The following GALNT9 variants were observed in gnomAD, a reference collection of about 807,000 sequenced individuals.
GALNT9 encodes polypeptide N-acetylgalactosaminyltransferase 9, also known as GalNAc transferase 9.
In GALNT9, 47 loss-of-function variants were observed where a neutral mutation model predicts 63.1. That is an observed-to-expected ratio of 0.75 (90% CI 0.59 to 0.95). The LOEUF is 0.95. GALNT9 is among the 40% of genes least tolerant of loss of function. The pLI, the probability that GALNT9 is intolerant of heterozygous loss-of-function variation, is 0.00. For missense variants in GALNT9, 829 were observed against 874.8 expected (o/e 0.95, Z 0.66); for synonymous variants, 396 against 365.7 (o/e 1.08, Z -0.94).
rs1593105511 is a variant in GALNT9, at chr12:132,286,490, G to C, written c.239-60C>G. 6.1e-6 allele frequency: 9 copies of C among 1,479,686 alleles called. No individual in the cohort carries two copies. Among genetic ancestry groups the C allele is most frequent in the Non-Finnish European group, 6.3e-6 (7 of 1,115,416 alleles). 91.7% of individuals were successfully genotyped at this position (1,479,686 alleles called of 1,614,324 possible). On this transcript the variant is annotated intron_variant, in intron 1 of 10. Transcript: ENST00000328957. This position sits in a 1 kb window ranked among gnomAD's most constrained non-coding sequence, Gnocchi z 7.4. Reference sequence around the variant, plus strand: ...CCAGGACACGCTGCGTCTGCACCCAGGAGACGCCCCTCCCGCCCCTCTCCC... The same window carrying C: ...CCAGGACACGCTGCGTCTGCACCCACGAGACGCCCCTCCCGCCCCTCTCCC...
Position 132,204,519 on chromosome 12 carries a change from G to A in GALNT9, c.1078-829C>T, listed in dbSNP as rs542102956. 2.6e-4 allele frequency among the ~76,000 whole-genome samples: 40 copies of A among 152,254 alleles called. 1 individual carries two copies. Among genetic ancestry groups the A allele is most frequent in the Admixed American group, 9.2e-4 (14 of 15,290 alleles). ...AGTGTTCACACACTCTGCTCGATTC[G>A]GGCTGGGACGTGGGTCCTCCCCTGC... On this transcript the variant is annotated intron_variant, in intron 6 of 10. Transcript: ENST00000328957.
At chr12:132,288,887 T>C (rs1378533836) in intron 1 of GALNT9, among the ~76,000 whole-genome samples, 11 of 114,492 alleles carry the variant, frequency 9.6e-5, no homozygotes, top group South Asian at 6.4e-4. Flanking sequence ...GAGCGTGGTT[T>C]CGGACGGCTG....
At chr12:132,209,723 G>A (rs1697716956) in intron 6 of GALNT9, among the ~76,000 whole-genome samples, 1 of 152,190 alleles carries the variant, frequency 6.6e-6, no homozygotes, top group South Asian at 2.1e-4. Flanking sequence ...GGGAACGTCA[G>A]GAAGTTACCC....
intron 6 of GALNT9, among the ~76,000 whole-genome samples, chr12:132,226,585 CACAT>C (rs1299350722): frequency 6.8e-5 from 10 of 148,040 alleles, no homozygotes; most frequent in East Asian, 2.0e-4. Context: ...ACACCCCACA[CACAT>C]ACACACCACA....
chr12:132,254,662 G>C (rs1879047130), intron 5 of GALNT9, among the ~76,000 whole-genome samples: 3 of 152,202 alleles, frequency 2.0e-5, no homozygotes, highest in Non-Finnish European at 1.5e-5. Context: ...AGGTCAGGCA[G>C]GTAAAGTACA....
intron 6 of GALNT9, chr12:132,240,702 C>G (rs1452540975): frequency 6.6e-6 from 3 of 455,954 alleles, no homozygotes; most frequent in Middle Eastern, 6.5e-4. Flanking sequence ...TATAATTTAC[C>G]TTATCTTGCT....
In GALNT9 at chr12:132,262,567, C is replaced by A. The variant is rs1486896844; in HGVS notation, c.478G>T (p.Val160Phe). 6.4e-7 allele frequency: 1 copy of A among 1,551,460 alleles called. No homozygotes were observed. The highest frequency in any genetic ancestry group is 8.7e-7 in the Non-Finnish European group (1 of 1,146,906). ...AGGATGACCGACAGCGCCTCATTGA[C>A]GAAGATGAAGACCACGGAGACCTGG... ...LPQVSVVFIF[V>F]NEALSVILRS... Residue 160 changes from valine (V) to phenylalanine (F), a missense_variant, in exon 3 of 11, where the codon GTC (valine) becomes TTC (phenylalanine). By Grantham distance (50) the Val-to-Phe change is conservative. Coordinates refer to ENST00000328957, the MANE Select transcript of GALNT9 (RefSeq NM_001122636.2).
chr12:132,247,657 C>A (rs1395005305), intron 6 of GALNT9: 15 of 416,850 alleles, frequency 3.6e-5, no homozygotes, highest in Non-Finnish European at 5.6e-5. Context: ...GCCGCACTCG[C>A]CCTCACCCCG....
intron 2 of GALNT9, among the ~76,000 whole-genome samples, chr12:132,269,182 C>T (rs994904800): frequency 2.0e-4 from 31 of 152,148 alleles, no homozygotes; most frequent in South Asian, 2.1e-4. Context: ...GCGGCCTCAG[C>T]GCTGAGGCAG....
Position 132,237,414 on chromosome 12 carries a change from C to G in GALNT9, c.1077+10496G>C, listed in dbSNP as rs2136895388. On this transcript the variant is annotated intron_variant, in intron 6 of 10. Transcript: ENST00000328957. ...ACAGGTGCTCACACCTGCCCAAACA[C>G]CTGCCTACACCTTCTGACACCTGCT... is the stretch of plus-strand genomic sequence containing the variant. Among the ~76,000 whole-genome samples, 5 of 152,082 alleles carry G rather than the reference C, an allele frequency of 3.3e-5. No homozygotes were observed. In the East Asian group the frequency reaches 7.7e-4, roughly 23 times the overall value.
At chr12:132,204,206 A>AC (rs1876467289) in intron 6 of GALNT9, among the ~76,000 whole-genome samples, 1 of 152,000 alleles carries the variant, frequency 6.6e-6, no homozygotes, top group African/African-American at 2.4e-5. Flanking sequence ...GGCTTTCTGA[A>AC]CCCCCACGCG....
chr12:132,225,398 TACAC>T (rs1430213430), intron 6 of GALNT9, among the ~76,000 whole-genome samples: 6 of 86,178 alleles, frequency 7.0e-5, no homozygotes, highest in South Asian at 4.4e-4. Flanking sequence ...CCTACACACA[TACAC>T]ACCACACAAC....
At chr12:132,266,502 G>C (rs1192495411) in intron 2 of GALNT9, among the ~76,000 whole-genome samples, 1 of 152,248 alleles carries the variant, frequency 6.6e-6, no homozygotes, top group Non-Finnish European at 1.5e-5. Context: ...CGGAGGCCCA[G>C]GCAGGAGGCC....
At chr12:132,303,198 C>T (rs1235663595) in intron 1 of GALNT9, among the ~76,000 whole-genome samples, 1 of 152,034 alleles carries the variant, frequency 6.6e-6, no homozygotes, top group Non-Finnish European at 1.5e-5. Flanking sequence ...CGCCGGGATG[C>T]AGTGACTGCC....
chr12:132,278,326 C>T (rs1880191386), intron 2 of GALNT9: 3 of 152,264 alleles, frequency 2.0e-5, no homozygotes, highest in African/African-American at 4.8e-5. Flanking sequence ...AATAATCAGG[C>T]ATCAAACATA....
chr12:132,222,779 G>A (rs1305361805), intron 6 of GALNT9, among the ~76,000 whole-genome samples: 1 of 151,674 alleles, frequency 6.6e-6, no homozygotes, highest in African/African-American at 2.4e-5. Context: ...GACTGAGGAG[G>A]AGATACGGAC....
Position 132,261,108 on chromosome 12 carries a change from T to G in GALNT9, c.601A>C (p.Asn201His), listed in dbSNP as rs1395296492. Residue 201 changes from asparagine (N) to histidine (H), a missense_variant, in exon 4 of 11, where the codon AAT becomes CAT. Coordinates refer to ENST00000328957, the MANE Select transcript of GALNT9 (RefSeq NM_001122636.2). ...CGCTTGTTGACGTACTGGTCCAGATTGAACTTGAGTTCCACTGAGGAGAGA... is the reference window on the plus strand; with the variant it reads ...CGCTTGTTGACGTACTGGTCCAGATGGAACTTGAGTTCCACTGAGGAGAGA... ...DNSDNVELKF[N>H]LDQYVNKRYP... 2.6e-6 allele frequency: 4 copies of G among 1,551,178 alleles called. No individual in the cohort carries two copies. The African/African-American group carries it at 5.5e-5, about 21-fold the overall frequency.
chr12:132,323,536 C>G (rs748288346), intron 1 of GALNT9, among the ~76,000 whole-genome samples: 23 of 152,216 alleles, frequency 1.5e-4, no homozygotes, highest in Non-Finnish European at 3.1e-4. Flanking sequence ...CCCAGCGAAT[C>G]TGGGGGCAGC....
In GALNT9 at chr12:132,203,487, G is replaced by A. The variant is rs371225655; in HGVS notation, c.1263+18C>T. ...ACCCTGGGGCATGGCCCCGGCTCCC[G>A]GCCTGTGGGGGACTCACCGACATGG... On this transcript the variant is annotated intron_variant, in intron 7 of 10. Coordinates refer to ENST00000328957, the MANE Select transcript of GALNT9 (RefSeq NM_001122636.2). The A allele has an allele frequency of 5.0e-6, 8 of 1,612,390 alleles. No individual in the cohort carries two copies. The highest frequency in any genetic ancestry group is 4.5e-5 in the East Asian group (2 of 44,866).
Sources: gnomAD v4.1 joint callset for allele counts (sites outside exome capture counted in the v4.1 genomes callset) on GRCh38, gnomAD v4.1.1 for gene constraint, Gnocchi (gnomAD v3.1) non-coding constraint, MANE v1.5 for transcripts, NCBI Gene and HGNC (gene_info 2026-07-23, HGNC 2026-07-21) for gene names.